Variants in NAV2 observed in about 807,000 individuals in gnomAD.
NAV2 encodes neuron navigator 2.
NAV2 carries 54 observed loss-of-function variants against 223.2 expected under a neutral mutation model. The ratio of observed to expected loss-of-function variants is 0.24; its 90% CI spans 0.19 to 0.30. The LOEUF is 0.30. Among genes scored for constraint, NAV2 ranks in the 10% least tolerant of loss-of-function variants. The pLI is 1.00. For missense variants in NAV2, 2,806 were observed against 3,147.5 expected, an observed-to-expected ratio of 0.89 and a Z score of 2.60; for synonymous variants, 1,279 against 1,239.3, an observed-to-expected ratio of 1.03 and a Z score of -0.67.
rs757104715 is a variant in NAV2, at chr11:20,105,629, G to A, written c.6743G>A (p.Arg2248His). 15 of 1,613,786 alleles carry A rather than the reference G, an allele frequency of 9.3e-6. No individual in the cohort carries two copies. Among genetic ancestry groups the A allele is most frequent in the African/African-American group, 4.0e-5 (3 of 74,906 alleles). Reference sequence around the variant, plus strand: ...GAAACAGAGATCAGTGGGCGGGTGCGCAATATGGAGCTGGTAAAAATCATT... The same window carrying A: ...GAAACAGAGATCAGTGGGCGGGTGCACAATATGGAGCTGGTAAAAATCATT... ...LMETEISGRV[R>H]NMELVKIIDW... The change falls in exon 35 of 38, where the codon CGC becomes CAC. Residue 2248 changes from arginine to histidine, a missense_variant. Arg to His is a conservative substitution (Grantham distance 29, BLOSUM62 0). Around this residue, in one of 4 missense-constraint regions of NAV2, gnomAD observed 824 missense variants for 1,069.4 expected, o/e 0.77. Coordinates refer to ENST00000349880, the MANE Select transcript of NAV2 (RefSeq NM_145117.5).
intron 3 of NAV2, among the ~76,000 whole-genome samples, chr11:19,864,192 C>A (rs912213306): frequency 6.6e-6 from 1 of 152,178 alleles, no homozygotes; most frequent in African/African-American, 2.4e-5. Context: ...TGGAGATTTC[C>A]CAAGGGGCTT....
chr11:20,056,482 C>T (rs765073269), intron 19 of NAV2: 8 of 1,263,084 alleles, frequency 6.3e-6, no homozygotes, highest in Non-Finnish European at 9.3e-6. Flanking sequence ...TGGTTGCTAA[C>T]TGAGAATATT....
Position 20,097,760 on chromosome 11 carries a change from T to G in NAV2, c.6181+15T>G. ...GACTGTGAAAGGTAATTGAGCTTGT[T>G]GCAGAAGTCGGAGCTTTCAGGAATT... On this transcript the variant is annotated intron_variant, in intron 31 of 37. Transcript: ENST00000349880. 1 of 1,563,222 alleles carries G rather than the reference T, an allele frequency of 6.4e-7. No homozygotes were observed. The highest frequency in any genetic ancestry group is 2.3e-5 in the East Asian group (1 of 43,776).
intron 10 of NAV2, chr11:19,978,713 C>T (rs1034444149): frequency 4.2e-5 from 6 of 143,112 alleles, no homozygotes; most frequent in Non-Finnish European, 7.5e-5. Context: ...TAGAGCAAGT[C>T]GGTACGTATT....
intron 1 of NAV2, among the ~76,000 whole-genome samples, chr11:19,764,068 T>C (rs1474280566): frequency 6.6e-6 from 1 of 152,344 alleles, no homozygotes; most frequent in East Asian, 1.9e-4. Flanking sequence ...TTTCCATTCC[T>C]GAAGTTCTTC....
intron 1 of NAV2, among the ~76,000 whole-genome samples, chr11:19,583,863 C>T (rs2135054952): frequency 6.6e-6 from 1 of 152,280 alleles, no homozygotes; most frequent in Non-Finnish European, 1.5e-5. Flanking sequence ...CTCTGCCAGG[C>T]TTTGGTATCA....
At position 19,972,169 on chromosome 11, in the gene NAV2, A is replaced by G. The variant is rs187141067; in HGVS notation, c.2646-11956A>G. On this transcript the variant is annotated intron_variant, in intron 10 of 37. Transcript: ENST00000349880. ...TCAAATTTTGTCAAACTTTAGCTAC[A>G]GAATGCATTATCAAAAACATTGGGC... 1.5e-3 allele frequency among the ~76,000 whole-genome samples: 236 copies of G among 152,372 alleles called. 2 individuals carry two copies. Among genetic ancestry groups the G allele is most frequent in the African/African-American group, 5.4e-3 (223 of 41,588 alleles).
chr11:19,853,386 G>A (rs1176512752), intron 3 of NAV2, among the ~76,000 whole-genome samples: 2 of 152,242 alleles, frequency 1.3e-5, no homozygotes, highest in Admixed American at 1.3e-4. Context: ...TTTTGGAAAG[G>A]TTAGGATGCC....
chr11:19,744,430 C>T (rs1011821920), intron 1 of NAV2, among the ~76,000 whole-genome samples: 4 of 152,220 alleles, frequency 2.6e-5, no homozygotes, highest in Admixed American at 6.5e-5. Flanking sequence ...CATGTGGGGC[C>T]CATTTAGAGA....
chr11:19,814,674 A>G (rs2059461), intron 1 of NAV2, among the ~76,000 whole-genome samples: 142,527 of 152,036 alleles, frequency 0.94, 67,540 homozygotes, highest in East Asian at 1. Flanking sequence ...TATGTTGCCC[A>G]GGCTGGTCTT....
chr11:19,619,959 A>G (rs532701603), intron 1 of NAV2, among the ~76,000 whole-genome samples: 81 of 152,338 alleles, frequency 5.3e-4, no homozygotes, highest in Non-Finnish European at 1.0e-3. Context: ...GAAGGGATCC[A>G]GTTTCAGCTT....
intron 1 of NAV2, among the ~76,000 whole-genome samples, chr11:19,814,117 AT>A (rs1399293515): frequency 6.6e-6 from 1 of 152,114 alleles, no homozygotes; most frequent in Non-Finnish European, 1.5e-5. Context: ...CTGTCTGGAC[AT>A]TGTTGGTGGC....
intron 1 of NAV2, among the ~76,000 whole-genome samples, chr11:19,499,949 T>C (rs532137819): frequency 6.6e-6 from 1 of 152,198 alleles, no homozygotes; most frequent in African/African-American, 2.4e-5. Flanking sequence ...AAATTGACTC[T>C]ATCAGTGGCC....
upstream of NAV2, among the ~76,000 whole-genome samples, chr11:19,709,731 G>A (rs571296193): frequency 5.5e-4 from 84 of 152,048 alleles, no homozygotes; most frequent in Middle Eastern, 3.4e-3. Context: ...GCTGCAGTGA[G>A]CCAAGATCGC....
chr11:20,034,041 A>G (rs1392847958), intron 11 of NAV2, among the ~76,000 whole-genome samples: 1 of 152,184 alleles, frequency 6.6e-6, no homozygotes, highest in Non-Finnish European at 1.5e-5. Flanking sequence ...TCCTCCTGAG[A>G]AAGTGGGCTG....
intron 1 of NAV2, among the ~76,000 whole-genome samples, chr11:19,582,097 G>T (rs2135032306): frequency 6.6e-6 from 1 of 152,282 alleles, no homozygotes; most frequent in East Asian, 1.9e-4. Flanking sequence ...GTTTTGATTT[G>T]CATTTCTCTG....
chr11:19,637,868 G>A (rs2047549094), intron 1 of NAV2, among the ~76,000 whole-genome samples: 1 of 152,212 alleles, frequency 6.6e-6, no homozygotes, highest in African/African-American at 2.4e-5. Flanking sequence ...ACTATATCAG[G>A]ATTCTTCATA....
chr11:19,794,692 G>A (rs916068373), intron 1 of NAV2, among the ~76,000 whole-genome samples: 10 of 152,106 alleles, frequency 6.6e-5, no homozygotes, highest in African/African-American at 2.4e-4. Context: ...CTTGTGATGG[G>A]TTTAGGGGGA....
intron 1 of NAV2, among the ~76,000 whole-genome samples, chr11:19,371,228 G>A (rs1164804295): frequency 6.6e-6 from 1 of 152,116 alleles, no homozygotes; most frequent in Non-Finnish European, 1.5e-5. Flanking sequence ...ATTCTGGAAG[G>A]TAGATACTGT....
Sources: allele counts gnomAD v4.1 joint callset (sites outside exome capture counted in the v4.1 genomes callset), GRCh38; gene constraint gnomAD v4.1.1; regional missense constraint gnomAD v4.1.1; transcripts MANE v1.5; gene names NCBI Gene and HGNC (gene_info 2026-07-23, HGNC 2026-07-21).